Variants in PTPRN2 observed in about 807,000 individuals in gnomAD.
PTPRN2 encodes the protein receptor-type tyrosine-protein phosphatase N2.
Under a neutral mutation model 118.8 loss-of-function variants are expected in PTPRN2, and 74 were observed. The observed-to-expected ratio is 0.62, with a 90% CI of 0.52 to 0.76. PTPRN2 has a LOEUF of 0.76. Among genes scored for constraint, PTPRN2 ranks in the 30% least tolerant of loss-of-function variants. The pLI is 0.00. For synonymous variants in PTPRN2, 641 were observed against 608.0 expected, an observed-to-expected ratio of 1.05 and a Z score of -0.80; for missense variants, 1,481 against 1,394.4, an observed-to-expected ratio of 1.06 and a Z score of -0.99.
intron 6 of PTPRN2, among the ~76,000 whole-genome samples, chr7:158,157,110 C>T (rs369071868): frequency 2.0e-5 from 3 of 150,616 alleles, no homozygotes; most frequent in South Asian, 4.2e-4. Context: ...GCTTACACAG[C>T]GGACAGCACG....
rs549412101 is a variant in PTPRN2 at position 158,489,607 on chromosome 7, T to C, written c.163+128A>G. On this transcript the variant is annotated intron_variant, in intron 2 of 22. Transcript: ENST00000389418. ...CCATGGCTCCGGGGTTCCATCCGCC[T>C]CCTCTCGGCAGCGCGCCCCGGGCGG... The C allele has an allele frequency of 3.9e-4, 360 of 932,728 alleles. 1 individual carries two copies. The African/African-American group carries it at 5.8e-3, about 15-fold the overall frequency. 57.8% of individuals were successfully genotyped at this position (932,728 alleles called of 1,614,324 possible). A position where few individuals can be genotyped will look rare whatever the true frequency, so the allele number is the denominator to read the frequency against.
chr7:158,065,199 C>A (rs1292537495), intron 11 of PTPRN2, among the ~76,000 whole-genome samples: 2 of 152,234 alleles, frequency 1.3e-5, no homozygotes, highest in Non-Finnish European at 2.9e-5. Context: ...TCACCAGGAA[C>A]ACCAACGTCT....
chr7:158,120,397 G>A (rs1188027611), intron 9 of PTPRN2, among the ~76,000 whole-genome samples: 1 of 152,182 alleles, frequency 6.6e-6, no homozygotes, highest in Non-Finnish European at 1.5e-5. Context: ...AAGGTGATTA[G>A]TATAAAAGCA....
intron 12 of PTPRN2, among the ~76,000 whole-genome samples, chr7:157,753,617 C>T (rs1350781219): frequency 6.6e-6 from 1 of 151,992 alleles, no homozygotes; most frequent in African/African-American, 2.4e-5. Context: ...GCTCCGTTCT[C>T]TACCACGTGC....
At chr7:158,123,702 T>C (rs1250142748) in intron 9 of PTPRN2, among the ~76,000 whole-genome samples, 2 of 152,254 alleles carry the variant, frequency 1.3e-5, no homozygotes, top group Non-Finnish European at 2.9e-5. Context: ...AGGATGAGAC[T>C]GTACTGCTCA....
chr7:157,669,991 C>T (rs970380271), intron 13 of PTPRN2, among the ~76,000 whole-genome samples: 2 of 152,202 alleles, frequency 1.3e-5, no homozygotes, highest in African/African-American at 2.4e-5. Context: ...GAGGGGCCCT[C>T]GCTGAGCCCC....
chr7:158,244,272 T>C (rs574448690), intron 3 of PTPRN2, among the ~76,000 whole-genome samples: 113 of 152,332 alleles, frequency 7.4e-4, no homozygotes, highest in African/African-American at 2.6e-3. Context: ...CCATTAATGC[T>C]TCAGAGGGGG....
intron 6 of PTPRN2, among the ~76,000 whole-genome samples, chr7:158,162,642 A>ACTGCACATCACCTGTTGTC (rs1554566797): frequency 5.3e-5 from 8 of 151,182 alleles, no homozygotes; most frequent in South Asian, 2.1e-4. Flanking sequence ...TTCACCGGCC[A>ACTGCACATCACCTGTTGTC]CTGCACGTCA....
At chr7:157,758,127 G>GGAT (rs1801911215) in intron 12 of PTPRN2, among the ~76,000 whole-genome samples, 1 of 152,244 alleles carries the variant, frequency 6.6e-6, no homozygotes, top group Admixed American at 6.5e-5. Flanking sequence ...TCGCGGGATG[G>GGAT]GATGTGCTCC....
rs1232541525 is a variant in PTPRN2, at chr7:157,734,169, C to T, written c.1789-51232G>A. Among the ~76,000 whole-genome samples, 86 of 108,704 alleles carry T rather than the reference C, an allele frequency of 7.9e-4. 7 individuals carry two copies. Among genetic ancestry groups the T allele is most frequent in the African/African-American group, 3.3e-3 (60 of 18,116 alleles). The allele number at this position is 108,704 out of a possible 152,430, so 71.3% of individuals were successfully genotyped here. ...CGCCCAGCACAGTTACTCTTTTCCACCCCATGCACCCAGCACAGTTACTCT... is the reference window on the plus strand; with the variant it reads ...CGCCCAGCACAGTTACTCTTTTCCATCCCATGCACCCAGCACAGTTACTCT... On this transcript the variant is annotated intron_variant, in intron 12 of 22. Coordinates refer to ENST00000389418, the MANE Select transcript of PTPRN2 (RefSeq NM_002847.5).
chr7:157,738,124 T>A (rs1800408167), intron 12 of PTPRN2, among the ~76,000 whole-genome samples: 1 of 152,230 alleles, frequency 6.6e-6, no homozygotes, highest in Admixed American at 6.5e-5. Context: ...GTATTATACT[T>A]CTTTTGAAAC....
In PTPRN2 at chr7:158,555,728, G is replaced by A. The variant is rs1826934118; in HGVS notation, c.112+31830C>T. On this transcript the variant is annotated intron_variant, in intron 1 of 22. Coordinates refer to ENST00000389418, the MANE Select transcript of PTPRN2 (RefSeq NM_002847.5). The surrounding 1 kb of genome is among the most constrained non-coding windows in gnomAD (Gnocchi z 4.7). Reference sequence around the variant, plus strand: ...GGTAAAGGGAGCTCTTCCGCCAACAGGTGGCCGGTGTTGCTTCCCAGCGGG... The same window carrying A: ...GGTAAAGGGAGCTCTTCCGCCAACAAGTGGCCGGTGTTGCTTCCCAGCGGG... Among the ~76,000 whole-genome samples, 1 of 152,114 alleles carries A rather than the reference G, an allele frequency of 6.6e-6. No homozygotes were observed. The highest frequency in any genetic ancestry group is 1.5e-5 in the Non-Finnish European group (1 of 68,030).
chr7:158,572,585 G>A (rs781077554), intron 1 of PTPRN2, among the ~76,000 whole-genome samples: 6 of 152,186 alleles, frequency 3.9e-5, no homozygotes, highest in African/African-American at 7.2e-5. Context: ...GATCAGGACC[G>A]GCTGACACCT....
At chr7:157,890,484 A>G (rs1469379824) in intron 12 of PTPRN2, among the ~76,000 whole-genome samples, 8 of 152,176 alleles carry the variant, frequency 5.3e-5, no homozygotes, top group Admixed American at 5.2e-4. Context: ...TACTAAAAAT[A>G]CAGAAAAATT....
intron 10 of PTPRN2, among the ~76,000 whole-genome samples, chr7:158,097,369 C>T (rs1228553606): frequency 2.6e-5 from 4 of 152,210 alleles, no homozygotes; most frequent in Non-Finnish European, 5.9e-5. Flanking sequence ...CCCACTGCTG[C>T]CTCTTCGGTA....
intron 2 of PTPRN2, among the ~76,000 whole-genome samples, chr7:158,488,129 T>G (rs893510235): frequency 2.0e-4 from 31 of 152,218 alleles, no homozygotes; most frequent in Middle Eastern, 3.4e-3. Flanking sequence ...ACGGCTCCAA[T>G]TAAATTAAAC....
intron 12 of PTPRN2, among the ~76,000 whole-genome samples, chr7:157,822,749 A>G (rs1290778644): frequency 6.6e-6 from 1 of 151,290 alleles, no homozygotes; most frequent in Non-Finnish European, 1.5e-5. Context: ...CACATATCCC[A>G]TCATCCATGC....
intron 2 of PTPRN2, among the ~76,000 whole-genome samples, chr7:158,343,834 G>A (rs1272828249): frequency 1.3e-5 from 2 of 152,234 alleles, no homozygotes; most frequent in South Asian, 2.1e-4. Flanking sequence ...CACGTGGGCT[G>A]TCGCGGCTGC....
intron 9 of PTPRN2, among the ~76,000 whole-genome samples, chr7:158,115,140 T>G (rs1816628555): frequency 6.6e-6 from 1 of 152,042 alleles, no homozygotes; most frequent in African/African-American, 2.4e-5. Flanking sequence ...GAATAACCAC[T>G]GCATCCCAGC....
Sources: gnomAD v4.1 joint callset for allele counts (sites outside exome capture counted in the v4.1 genomes callset) on GRCh38, gnomAD v4.1.1 for gene constraint, Gnocchi (gnomAD v3.1) non-coding constraint, MANE v1.5 for transcripts, NCBI Gene and HGNC (gene_info 2026-07-23, HGNC 2026-07-21) for gene names.